The following SDK1 variants were observed in gnomAD, a reference collection of about 807,000 sequenced individuals.
The protein encoded by SDK1 is sidekick cell adhesion molecule 1, also known as protein sidekick-1.
A neutral mutation model predicts 245.5 loss-of-function variants in SDK1; 157 were observed. The observed-to-expected ratio is 0.64, with a 90% confidence interval of 0.56 to 0.73. The LOEUF is 0.73. Among genes scored for constraint, SDK1 ranks in the 30% least tolerant of loss-of-function variants. The pLI is 0.00. For missense variants in SDK1, 3,583 were observed against 3,002.3 expected, an observed-to-expected ratio of 1.19 and a Z score of -4.52; for synonymous variants, 1,647 against 1,278.5, an observed-to-expected ratio of 1.29 and a Z score of -6.15.
intron 22 of SDK1, among the ~76,000 whole-genome samples, chr7:4,083,558 CTTCCTTCCTTTT>C (rs1193412686): frequency 1.7e-5 from 2 of 119,112 alleles, no homozygotes; most frequent in African/African-American, 4.1e-5. Context: ...CCCTCCCTCC[CTTCCTTCCTTTT>C]TGCCTCCCTC....
chr7:3,629,832 A>T (rs371904735), intron 2 of SDK1, among the ~76,000 whole-genome samples: 24 of 152,346 alleles, frequency 1.6e-4, no homozygotes, highest in African/African-American at 5.5e-4. Context: ...TCAGGAGAGA[A>T]ATCAGTTGAT....
chr7:3,907,315 T>A (rs987472774), intron 5 of SDK1, among the ~76,000 whole-genome samples: 2 of 152,232 alleles, frequency 1.3e-5, no homozygotes, highest in Non-Finnish European at 2.9e-5. Context: ...CACTGGTAGC[T>A]GCTTTTCTGC....
At chr7:4,124,236 C>A (rs1213289064) in intron 25 of SDK1, among the ~76,000 whole-genome samples, 3 of 152,194 alleles carry the variant, frequency 2.0e-5, no homozygotes, top group African/African-American at 7.2e-5. Context: ...GCAGAATGCC[C>A]CAAACGGGGT....
chr7:3,845,633 G>A (rs553347616), intron 5 of SDK1, among the ~76,000 whole-genome samples: 2 of 151,758 alleles, frequency 1.3e-5, no homozygotes, highest in African/African-American at 4.8e-5. Context: ...TTGGCTCAGG[G>A]TCTCTTCAGC....
intron 1 of SDK1, among the ~76,000 whole-genome samples, chr7:3,529,178 G>C (rs1783256639): frequency 6.6e-6 from 1 of 151,940 alleles, no homozygotes; most frequent in African/African-American, 2.4e-5. Context: ...ACATGGTTTT[G>C]GAAACATGTA....
At chr7:3,561,617 TC>T (rs1779754814) in intron 1 of SDK1, among the ~76,000 whole-genome samples, 1 of 152,196 alleles carries the variant, frequency 6.6e-6, no homozygotes, top group Admixed American at 6.5e-5. Flanking sequence ...GTAAATAATT[TC>T]TGAATCAAGA....
chr7:3,331,217 T>C (rs1164780997), intron 1 of SDK1, among the ~76,000 whole-genome samples: 3 of 152,146 alleles, frequency 2.0e-5, no homozygotes, highest in Admixed American at 2.0e-4. Context: ...TGAGCCGAGA[T>C]TGCACCACTG....
At chr7:4,111,724 G>A (rs10275766) in intron 23 of SDK1, among the ~76,000 whole-genome samples, 31,005 of 152,170 alleles carry the variant, frequency 0.2, 3,283 homozygotes, top group Middle Eastern at 0.3. Context: ...AACAGAAACT[G>A]TAAGTAGAGA....
chr7:3,887,124 T>C (rs1165877842), intron 5 of SDK1, among the ~76,000 whole-genome samples: 4 of 152,220 alleles, frequency 2.6e-5, no homozygotes, highest in African/African-American at 9.7e-5. Flanking sequence ...CCTGGGTTCA[T>C]TTCTCACCTA....
At chr7:4,170,823 C>T (rs996159499) in intron 32 of SDK1, among the ~76,000 whole-genome samples, 2 of 152,088 alleles carry the variant, frequency 1.3e-5, no homozygotes, top group Non-Finnish European at 1.5e-5. Flanking sequence ...ACTGGCGGCC[C>T]GGCATGGGGG....
At position 3,508,997 on chromosome 7, in the gene SDK1, G is replaced by A. The variant is rs571635750; in HGVS notation, c.299-110083G>A. ...GAATGTTCTAGTAATATCTGTGGCA[G>A]TGATGGTGGGTCATAGCAGGCAGGC... On this transcript the variant is annotated intron_variant, in intron 1 of 44. Transcript: ENST00000404826. 9.4e-4 allele frequency among the ~76,000 whole-genome samples: 143 copies of A among 152,314 alleles called. 2 individuals carry two copies. Among genetic ancestry groups the A allele is most frequent in the African/African-American group, 3.3e-3 (137 of 41,562 alleles).
chr7:3,755,188 C>T (rs1168295117), intron 4 of SDK1, among the ~76,000 whole-genome samples: 3 of 152,138 alleles, frequency 2.0e-5, no homozygotes, highest in Admixed American at 6.5e-5. Context: ...AGGCTGTTGG[C>T]CTGGGGAAGC....
intron 5 of SDK1, among the ~76,000 whole-genome samples, chr7:3,896,735 G>A (rs540091278): frequency 1.3e-5 from 2 of 152,304 alleles, no homozygotes; most frequent in East Asian, 1.9e-4. Flanking sequence ...TTTTCAAGCT[G>A]TTTAAGGTGG....
chr7:4,070,468 C>T (rs1195293615), intron 20 of SDK1, among the ~76,000 whole-genome samples: 1 of 152,220 alleles, frequency 6.6e-6, no homozygotes, highest in Non-Finnish European at 1.5e-5. Flanking sequence ...CTGTGCATCC[C>T]TGCAGTGCTC....
At chr7:3,616,238 C>A (rs992888353) in intron 1 of SDK1, among the ~76,000 whole-genome samples, 9 of 152,108 alleles carry the variant, frequency 5.9e-5, no homozygotes, top group African/African-American at 2.2e-4. Context: ...ATCATATTGA[C>A]AGTACTTTTT....
intron 1 of SDK1, among the ~76,000 whole-genome samples, chr7:3,496,476 T>C (rs566895853): frequency 6.6e-6 from 1 of 152,142 alleles, no homozygotes; most frequent in East Asian, 1.9e-4. Context: ...TTTTTTAGCA[T>C]TACTGAAAGA....
intron 35 of SDK1, among the ~76,000 whole-genome samples, chr7:4,197,186 A>T (rs1256374831): frequency 2.0e-5 from 3 of 152,126 alleles, no homozygotes; most frequent in Non-Finnish European, 4.4e-5. Context: ...TCTTGGGGCC[A>T]GGCATGGTGG....
rs372808346 is a variant in SDK1 at position 4,088,639 on chromosome 7, T to G, written c.3324+9055T>G. ...GAGCTGCTCATTTGGTTTTTCTGAT[T>G]TCATCTGTTGGTAAGGTGGTTCACA... On this transcript the variant is annotated intron_variant, in intron 22 of 44. Coordinates refer to ENST00000404826, the MANE Select transcript of SDK1 (RefSeq NM_152744.4). Among the ~76,000 whole-genome samples the G allele has an allele frequency of 2.6e-5, 4 of 152,292 alleles. No homozygotes were observed. In the East Asian group the frequency reaches 7.7e-4, roughly 29 times the overall value.
rs111253164 is a variant in SDK1 at position 3,697,524 on chromosome 7, A to G, written c.713+55419A>G. Among the ~76,000 whole-genome samples, 701 of 152,176 alleles carry G rather than the reference A, an allele frequency of 4.6e-3. 5 individuals carry two copies. The highest frequency in any genetic ancestry group is 7.3e-3 in the Non-Finnish European group (499 of 67,986). ...TTGTTGCTAAGACAATGTGATTTGA[A>G]CTTACTCTAATACCCCTTTTTTTGA... is the stretch of plus-strand genomic sequence containing the variant. On this transcript the variant is annotated intron_variant, in intron 4 of 44. Transcript: ENST00000404826.
Sources: allele counts gnomAD v4.1 joint callset (sites outside exome capture counted in the v4.1 genomes callset), GRCh38; gene constraint gnomAD v4.1.1; transcripts MANE v1.5; gene names NCBI Gene and HGNC (gene_info 2026-07-23, HGNC 2026-07-21).